Variants in RBFOX3 observed in about 807,000 individuals in gnomAD.
RBFOX3 encodes RNA binding protein fox-1 homolog 3.
In RBFOX3, 17 loss-of-function variants were observed where a neutral mutation model predicts 48.7. That is an observed-to-expected ratio of 0.35 (90% confidence interval 0.24 to 0.52). RBFOX3 has a LOEUF of 0.52. Ranked by LOEUF, RBFOX3 falls within the 20% of genes least tolerant of loss-of-function variation. The pLI is 0.94. For missense variants in RBFOX3, 382 were observed against 497.5 expected, an observed-to-expected ratio of 0.77 and a Z score of 2.21; for synonymous variants, 212 against 209.5, an observed-to-expected ratio of 1.01 and a Z score of -0.10.
intron 2 of RBFOX3, among the ~76,000 whole-genome samples, chr17:79,457,971 C>T (rs1460186772): frequency 6.6e-6 from 1 of 152,232 alleles, no homozygotes; most frequent in Non-Finnish European, 1.5e-5. Flanking sequence ...GCAGTCAGGC[C>T]ACAGCACAAC....
chr17:79,403,066 C>T (rs1198748680), intron 2 of RBFOX3, among the ~76,000 whole-genome samples: 3 of 152,170 alleles, frequency 2.0e-5, no homozygotes, highest in Non-Finnish European at 4.4e-5. Flanking sequence ...TTTCTCATCT[C>T]GGAAGGGACA....
At chr17:79,324,365 C>T (rs561114123) in intron 2 of RBFOX3, among the ~76,000 whole-genome samples, 2 of 152,332 alleles carry the variant, frequency 1.3e-5, no homozygotes, top group African/African-American at 4.8e-5. Flanking sequence ...GCAGCTTGAG[C>T]TTCCAGAGTG....
chr17:79,104,079 G>A lies in RBFOX3; in HGVS notation c.408C>T (p.Gly136=), dbSNP rs985299012. ...AGCTCCGTGCGGCACCCACCTTGGA[G>A]CCCCGCTCGTTAAAAATGATCTCCA... The part of the protein sequence containing the change: ...LDVEIIFNER[G]SKGFGFVTFE... Residue 136 remains glycine, a synonymous_variant, in exon 7 of 15, where the codon GGC becomes GGT. Coordinates refer to ENST00000693108, the MANE Select transcript of RBFOX3 (RefSeq NM_001350451.2). The A allele has an allele frequency of 1.0e-5, 16 of 1,551,014 alleles. No homozygotes were observed. Among genetic ancestry groups the A allele is most frequent in the Non-Finnish European group, 1.4e-5 (16 of 1,146,812 alleles).
intron 1 of RBFOX3, among the ~76,000 whole-genome samples, chr17:79,574,262 G>T (rs1427873353): frequency 6.6e-6 from 1 of 152,220 alleles, no homozygotes; most frequent in African/African-American, 2.4e-5. Flanking sequence ...GCTGAGGCCT[G>T]CTGGACTGCA....
At chr17:79,209,027 G>T (rs1407378910) in intron 4 of RBFOX3, among the ~76,000 whole-genome samples, 1 of 151,950 alleles carries the variant, frequency 6.6e-6, no homozygotes, top group African/African-American at 2.4e-5. Flanking sequence ...CACCGTGTTA[G>T]CCAGGATGGT....
intron 3 of RBFOX3, among the ~76,000 whole-genome samples, chr17:79,303,519 T>C (rs1327702894): frequency 6.6e-6 from 1 of 152,060 alleles, no homozygotes; most frequent in Non-Finnish European, 1.5e-5. Flanking sequence ...CTGATTTTAT[T>C]AAAAGTCCCC....
chr17:79,479,019 A>C lies in RBFOX3; in HGVS notation c.-175+3435T>G. On this transcript the variant is annotated intron_variant, in intron 2 of 14. Transcript: ENST00000693108. This position sits in a 1 kb window ranked among gnomAD's most constrained non-coding sequence, Gnocchi z 5.1. The stretch of plus-strand genomic sequence containing the variant: ...CAAGGACTCGCCTGCAGTGATGGGG[A>C]GTCTCGGTCGAAGGGCTCCTTGCCA... Among the ~76,000 whole-genome samples, 1 of 152,118 alleles carries C rather than the reference A, an allele frequency of 6.6e-6. No individual in the cohort carries two copies. The highest frequency in any genetic ancestry group is 1.5e-5 in the Non-Finnish European group (1 of 68,020).
chr17:79,462,271 A>G (rs944072558), intron 2 of RBFOX3, among the ~76,000 whole-genome samples: 1 of 152,216 alleles, frequency 6.6e-6, no homozygotes, highest in Non-Finnish European at 1.5e-5. Context: ...AGGCTGCCTG[A>G]GCCTGACTCC....
intron 3 of RBFOX3, among the ~76,000 whole-genome samples, chr17:79,283,261 T>G (rs932686138): frequency 8.9e-5 from 10 of 112,390 alleles, no homozygotes; most frequent in African/African-American, 3.5e-4. Context: ...CCTATGTTCC[T>G]TTTCTTTTTT....
At chr17:79,615,716 T>A (rs1306591233), upstream of RBFOX3, among the ~76,000 whole-genome samples, 1 of 152,164 alleles carries the variant, frequency 6.6e-6, no homozygotes, top group Non-Finnish European at 1.5e-5. Flanking sequence ...AGCATTTACT[T>A]TGATCTACTC....
intron 3 of RBFOX3, among the ~76,000 whole-genome samples, chr17:79,244,741 C>T (rs568180474): frequency 1.4e-3 from 122 of 87,928 alleles, no homozygotes; most frequent in African/African-American, 4.1e-3. Flanking sequence ...TCTCCCATTC[C>T]TTTCCTTCCT....
chr17:79,461,477 T>A (rs1448250666), intron 2 of RBFOX3, among the ~76,000 whole-genome samples: 1 of 152,324 alleles, frequency 6.6e-6, no homozygotes, highest in East Asian at 1.9e-4. Flanking sequence ...CCAACAGCAT[T>A]TGTAGGTGGA....
intron 1 of RBFOX3, among the ~76,000 whole-genome samples, chr17:79,596,752 T>C (rs28676573): frequency 0.87 from 131,798 of 152,060 alleles, 57,211 homozygotes; most frequent in East Asian, 0.95. Context: ...ATTTTTTGCT[T>C]TTCCTTCTCA....
the RBFOX3 span, among the ~76,000 whole-genome samples, chr17:79,629,586 G>A: frequency 2.0e-5 from 3 of 152,052 alleles, no homozygotes; most frequent in Admixed American, 1.3e-4. Context: ...ATTGGCACTC[G>A]GATCAAAAGC....
intron 2 of RBFOX3, among the ~76,000 whole-genome samples, chr17:79,382,041 T>C (rs1194303647): frequency 6.6e-6 from 1 of 152,216 alleles, no homozygotes; most frequent in Non-Finnish European, 1.5e-5. Context: ...CCCCAGGGCA[T>C]GGCAGAAAAG....
chr17:79,621,246 G>A, the RBFOX3 span, among the ~76,000 whole-genome samples: 5 of 152,188 alleles, frequency 3.3e-5, no homozygotes, highest in East Asian at 1.9e-4. Flanking sequence ...TGATCCGCCC[G>A]CCTCGGCCTC....
chr17:79,199,410 C>T lies in RBFOX3; in HGVS notation c.-34+36356G>A, dbSNP rs1267948822. 6.6e-6 allele frequency among the ~76,000 whole-genome samples: 1 copy of T among 152,100 alleles called. No individual in the cohort carries two copies. Among genetic ancestry groups the T allele is most frequent in the Non-Finnish European group, 1.5e-5 (1 of 68,024 alleles). On this transcript the variant is annotated intron_variant, in intron 4 of 14. Transcript: ENST00000693108. The surrounding 1 kb of genome is among the most constrained non-coding windows in gnomAD (Gnocchi z 5.1). ...GAGCCTCCAACCCTCTGCCCACCGC[C>T]CTACTGCAGGAGTTGCAGATCTTGG...
At position 79,334,006 on chromosome 17, in the gene RBFOX3, C is replaced by G. The variant is rs534586084; in HGVS notation, c.-174-26182G>C. ...CACCCCTCCCTTGGGAATTCCCACCCTGGTCACCAACGATCCCCTCATTGC... is the reference window on the plus strand; with the variant it reads ...CACCCCTCCCTTGGGAATTCCCACCGTGGTCACCAACGATCCCCTCATTGC... On this transcript the variant is annotated intron_variant, in intron 2 of 14. Coordinates refer to ENST00000693108, the MANE Select transcript of RBFOX3 (RefSeq NM_001350451.2). 7.9e-4 allele frequency among the ~76,000 whole-genome samples: 121 copies of G among 152,334 alleles called. 1 individual carries two copies. The highest frequency in any genetic ancestry group is 2.4e-4 in the Non-Finnish European group (16 of 68,032).
chr17:79,261,073 T>A (rs566957878), intron 3 of RBFOX3, among the ~76,000 whole-genome samples: 1 of 152,248 alleles, frequency 6.6e-6, no homozygotes, highest in Non-Finnish European at 1.5e-5. Flanking sequence ...AGATCCTTTT[T>A]CTCACCTCAG....
Sources: gnomAD v4.1 joint callset for allele counts (sites outside exome capture counted in the v4.1 genomes callset) on GRCh38, gnomAD v4.1.1 for gene constraint, Gnocchi (gnomAD v3.1) non-coding constraint, MANE v1.5 for transcripts, NCBI Gene and HGNC (gene_info 2026-07-23, HGNC 2026-07-21) for gene names.